Variants in NTN1 observed in about 807,000 individuals in gnomAD.
NTN1 encodes netrin 1.
A neutral mutation model predicts 54.2 loss-of-function variants in NTN1; 11 were observed. That is an observed-to-expected ratio of 0.20 (90% CI 0.13 to 0.34). NTN1 has a LOEUF of 0.34. NTN1 is among the 10% of genes least tolerant of loss of function. The probability of loss-of-function intolerance (pLI) is 1.00; values close to 1 mark genes in which losing one functional copy is unlikely to be tolerated. For synonymous variants in NTN1, 371 were observed against 382.0 expected, an observed-to-expected ratio of 0.97 and a Z score of 0.33; for missense variants, 740 against 893.1, an observed-to-expected ratio of 0.83 and a Z score of 2.18.
At chr17:9,137,290 C>T (rs2092284075) in intron 2 of NTN1, among the ~76,000 whole-genome samples, 1 of 152,166 alleles carries the variant, frequency 6.6e-6, no homozygotes, top group South Asian at 2.1e-4. Flanking sequence ...TCTGTATTCC[C>T]ACCCCCACCC....
chr17:9,100,384 A>G (rs9902695), intron 2 of NTN1, among the ~76,000 whole-genome samples: 28,613 of 151,970 alleles, frequency 0.19, 3,092 homozygotes, highest in Non-Finnish European at 0.24. Context: ...TCCAAGCTCC[A>G]CCTCCCAGGT....
chr17:9,208,475 C>T (rs1905024062), intron 5 of NTN1, among the ~76,000 whole-genome samples: 1 of 152,176 alleles, frequency 6.6e-6, no homozygotes, highest in African/African-American at 2.4e-5. Flanking sequence ...GGTGCTGGGA[C>T]ACCAAGGTCC....
chr17:9,180,410 G>A (rs531468757), intron 4 of NTN1, among the ~76,000 whole-genome samples: 2 of 152,224 alleles, frequency 1.3e-5, no homozygotes, highest in Non-Finnish European at 2.9e-5. Context: ...CCACGTGGGA[G>A]ACCCCCCAAG....
chr17:9,068,803 T>C (rs1238666939), intron 2 of NTN1, among the ~76,000 whole-genome samples: 2 of 152,162 alleles, frequency 1.3e-5, no homozygotes, highest in African/African-American at 2.4e-5. Context: ...CCACCGCGCC[T>C]GGCCCGATTT....
chr17:9,080,929 G>C (rs1482857176), intron 2 of NTN1, among the ~76,000 whole-genome samples: 1 of 152,150 alleles, frequency 6.6e-6, no homozygotes, highest in Non-Finnish European at 1.5e-5. Context: ...CTCTTCACCT[G>C]TATTCTCTGT....
chr17:9,189,562 G>A (rs1904395007), intron 5 of NTN1, among the ~76,000 whole-genome samples: 2 of 152,070 alleles, frequency 1.3e-5, no homozygotes, highest in Non-Finnish European at 2.9e-5. Flanking sequence ...ATGTTGGCCA[G>A]GCTGGTCTCG....
chr17:9,023,015 G>C lies in NTN1; in HGVS notation c.642G>C (p.Ser214=), dbSNP rs754674326. 5 of 1,603,898 alleles carry C rather than the reference G, an allele frequency of 3.1e-6. No individual in the cohort carries two copies. Among genetic ancestry groups the C allele is most frequent in the Non-Finnish European group, 4.2e-6 (5 of 1,176,508 alleles). Residue 214 remains serine (S), a synonymous_variant, in exon 2 of 7, where the codon TCG becomes TCC. Transcript: ENST00000173229. ...CGCACACCGACATGCGCCCGCTCTCGGGCGGCCTCATCGCCTTCAGCACGC... is the reference window on the plus strand; with the variant it reads ...CGCACACCGACATGCGCCCGCTCTCCGGCGGCCTCATCGCCTTCAGCACGC... ...TDSHTDMRPL[S]GGLIAFSTLD...
At chr17:9,051,962 G>A (rs2091961848) in intron 2 of NTN1, among the ~76,000 whole-genome samples, 2 of 151,556 alleles carry the variant, frequency 1.3e-5, no homozygotes, top group Non-Finnish European at 1.5e-5. Context: ...GACACGTTTG[G>A]GTTTTTTTTT....
At chr17:9,125,722 C>T (rs1044728445) in intron 2 of NTN1, among the ~76,000 whole-genome samples, 5 of 151,916 alleles carry the variant, frequency 3.3e-5, no homozygotes, top group African/African-American at 1.2e-4. Flanking sequence ...CCCTCCACCT[C>T]AGCCTCCCAA....
In NTN1 at chr17:9,211,210, C is replaced by A. The variant is rs934655837; in HGVS notation, c.1412-9958C>A. Among the ~76,000 whole-genome samples, 2 of 152,186 alleles carry A rather than the reference C, an allele frequency of 1.3e-5. No homozygotes were observed. Among genetic ancestry groups the A allele is most frequent in the African/African-American group, 4.8e-5 (2 of 41,444 alleles). ...GCTTTTGCCAGCTCCAGTCTCCCTT[C>A]CTTTTGGTTTCTCACACTTTCCTGC... On this transcript the variant is annotated intron_variant, in intron 5 of 6. Transcript: ENST00000173229. The surrounding 1 kb of genome is among the most constrained non-coding windows in gnomAD (Gnocchi z 4.4).
intron 3 of NTN1, among the ~76,000 whole-genome samples, chr17:9,172,311 CAT>C (rs1284171683): frequency 6.6e-6 from 1 of 151,730 alleles, no homozygotes; most frequent in Non-Finnish European, 1.5e-5. Context: ...TCCTGGGAAA[CAT>C]AGTGAAAATA....
At chr17:9,198,461 A>C (rs1904695820) in intron 5 of NTN1, among the ~76,000 whole-genome samples, 1 of 152,214 alleles carries the variant, frequency 6.6e-6, no homozygotes, top group Non-Finnish European at 1.5e-5. Flanking sequence ...GCACAGGTCC[A>C]GTCAAGGGGC....
chr17:9,048,876 A>G (rs11078779), intron 2 of NTN1, among the ~76,000 whole-genome samples: 35,151 of 152,102 alleles, frequency 0.23, 5,249 homozygotes, highest in East Asian at 0.54. Context: ...GGCCGGTCTC[A>G]AACTCCTGAC....
chr17:9,056,043 G>A (rs1489828977), intron 2 of NTN1, among the ~76,000 whole-genome samples: 2 of 151,120 alleles, frequency 1.3e-5, no homozygotes, highest in Admixed American at 6.6e-5. Flanking sequence ...GACTACAGGT[G>A]CACACCATTA....
At chr17:9,174,639 C>G (rs898552352) in intron 3 of NTN1, 3 of 152,254 alleles carry the variant, frequency 2.0e-5, no homozygotes, top group African/African-American at 7.2e-5. Flanking sequence ...ATGCCCTCTT[C>G]TAATAAGGAC....
intron 5 of NTN1, among the ~76,000 whole-genome samples, chr17:9,202,055 C>CAAAAA (rs773720564): frequency 2.1e-5 from 1 of 48,344 alleles, no homozygotes; most frequent in Non-Finnish European, 3.4e-5. Flanking sequence ...CACACACACA[C>CAAAAA]AAAAAAAAAA....
intron 2 of NTN1, among the ~76,000 whole-genome samples, chr17:9,038,934 A>G (rs921414562): frequency 1.3e-5 from 2 of 152,166 alleles, no homozygotes; most frequent in Admixed American, 6.5e-5. Flanking sequence ...ATTAATCGTG[A>G]CATATGGTGT....
intron 5 of NTN1, among the ~76,000 whole-genome samples, chr17:9,191,321 A>G (rs1254336145): frequency 6.6e-6 from 1 of 152,162 alleles, no homozygotes; most frequent in Non-Finnish European, 1.5e-5. Flanking sequence ...TTAGCTGGGC[A>G]TGGTGGTGCA....
chr17:9,028,438 G>C (rs1023948992), intron 2 of NTN1, among the ~76,000 whole-genome samples: 12 of 152,174 alleles, frequency 7.9e-5, no homozygotes, highest in African/African-American at 2.9e-4. Flanking sequence ...ACCCAGAGCA[G>C]GGAGGCAGGT....
Sources: allele counts gnomAD v4.1 joint callset (sites outside exome capture counted in the v4.1 genomes callset), GRCh38; gene constraint gnomAD v4.1.1; non-coding constraint Gnocchi (gnomAD v3.1); transcripts MANE v1.5; gene names NCBI Gene and HGNC (gene_info 2026-07-23, HGNC 2026-07-21).